VPS26A: variants seen among roughly 807,000 people sequenced by gnomAD.
VPS26A encodes the protein vacuolar protein sorting-associated protein 26A.
VPS26A carries 22 observed loss-of-function variants against 42.4 expected under a neutral mutation model. That is an observed-to-expected ratio of 0.52 (90% confidence interval 0.37 to 0.74). The LOEUF is 0.74. Among genes scored for constraint, VPS26A ranks in the 30% least tolerant of loss-of-function variants. The pLI is 0.00. For synonymous variants in VPS26A, 110 were observed against 123.5 expected (o/e 0.89, Z 0.73); for missense variants, 276 against 379.2 (o/e 0.73, Z 2.26).
At chr10:69,132,568 G>T (rs1281274099) in intron 1 of VPS26A, among the ~76,000 whole-genome samples, 5 of 151,588 alleles carry the variant, frequency 3.3e-5, no homozygotes, top group Non-Finnish European at 5.9e-5. Flanking sequence ...TCAGCCTCCC[G>T]AGTAGCTGGT....
At chr10:69,145,682 A>T (rs183057973) in intron 2 of VPS26A, among the ~76,000 whole-genome samples, 1 of 148,518 alleles carries the variant, frequency 6.7e-6, no homozygotes, top group African/African-American at 2.5e-5. Flanking sequence ...TCAGAATTTT[A>T]TTCTGTTCTG....
At position 69,133,026 on chromosome 10, in the gene VPS26A, C is replaced by T. The variant is rs749596365; in HGVS notation, c.132C>T (p.Asp44=). 2.5e-5 allele frequency: 40 copies of T among 1,604,510 alleles called. No homozygotes were observed. The highest frequency in any genetic ancestry group is 1.8e-4 in the East Asian group (8 of 44,682). ...TAGAAAAACACTATCTCTTCTATGACGGAGAATCCGTTTCAGGAAAGGTAA... is the reference window on the plus strand; with the variant it reads ...TAGAAAAACACTATCTCTTCTATGATGGAGAATCCGTTTCAGGAAAGGTAA... The part of the protein sequence containing the change: ...GKVEKHYLFY[D]GESVSGKVNL... The change falls in exon 2 of 9, where the codon GAC becomes GAT. Residue 44 remains aspartate (D), a synonymous_variant. Transcript: ENST00000263559.
intron 2 of VPS26A, among the ~76,000 whole-genome samples, chr10:69,139,920 A>T (rs1044775889): frequency 1.3e-5 from 2 of 152,116 alleles, no homozygotes; most frequent in African/African-American, 2.4e-5. Flanking sequence ...AATATCGTAT[A>T]GCCTGTTTTG....
At chr10:69,137,795 C>T (rs924813267) in intron 2 of VPS26A, among the ~76,000 whole-genome samples, 1 of 151,606 alleles carries the variant, frequency 6.6e-6, no homozygotes, top group Non-Finnish European at 1.5e-5. Context: ...CTGCCTACCA[C>T]ATTTGTATTG....
At chr10:69,147,345 C>A (rs1387335409) in intron 2 of VPS26A, among the ~76,000 whole-genome samples, 2 of 151,986 alleles carry the variant, frequency 1.3e-5, no homozygotes, top group Non-Finnish European at 1.5e-5. Flanking sequence ...AATATTTTCT[C>A]CCATTCTGAG....
Position 69,173,397 on chromosome 10 carries a change from G to A in VPS26A, c.*2128G>A, listed in dbSNP as rs189702260. Among the ~76,000 whole-genome samples the A allele has an allele frequency of 1.6e-3, 244 of 152,278 alleles. No homozygotes were observed. Among genetic ancestry groups the A allele is most frequent in the African/African-American group, 5.6e-3 (232 of 41,562 alleles). On this transcript the variant is annotated 3_prime_UTR_variant, in exon 9 of 9. Transcript: ENST00000263559. ...ATCTCAGCCACTTCAGGAGTCTGAG[G>A]CGGAAGGATCACCTGGAATTCGAGA...
intron 1 of VPS26A, 116 bp downstream of exon 1, chr10:69,124,396 A>C: frequency 4.4e-6 from 5 of 1,142,672 alleles, no homozygotes; most frequent in Non-Finnish European, 3.3e-6. Context: ...CAGGGCGGGG[A>C]GCGGGGTTAG....
In VPS26A at chr10:69,155,969, T is replaced by C. The variant is rs1841422363; in HGVS notation, c.229+82T>C. 7.8e-6 allele frequency: 8 copies of C among 1,030,588 alleles called. No homozygotes were observed. In the Admixed American group the frequency reaches 1.7e-4, roughly 22 times the overall value. 63.8% of individuals were successfully genotyped at this position (1,030,588 alleles called of 1,614,324 possible). ...TGGATTTTGCACCAAAATAATTGAA[T>C]TAGAGCTTAGCTTTGTAGAAGGAAG... On this transcript the variant is annotated intron_variant, in intron 3 of 8. Transcript: ENST00000263559.
intron 7 of VPS26A, among the ~76,000 whole-genome samples, chr10:69,166,712 T>G (rs1327630115): frequency 3.9e-5 from 6 of 152,238 alleles, no homozygotes; most frequent in Non-Finnish European, 8.8e-5. Flanking sequence ...ATGATGCATG[T>G]ATGTGTACTC....
chr10:69,167,024 A>G (rs1274221729), intron 7 of VPS26A, among the ~76,000 whole-genome samples: 1 of 151,216 alleles, frequency 6.6e-6, no homozygotes, highest in Non-Finnish European at 1.5e-5. Flanking sequence ...CTACTTGGGA[A>G]GCTGAGGCAG....
In VPS26A at chr10:69,124,202, G is replaced by T. The variant is rs1840590523; in HGVS notation, c.-76G>T. ...CGAGGTCACGTGACGGAGCGCCGGA[G>T]CGGAGGGAGCCGGGGCTGGGAGTTC... On this transcript the variant is annotated 5_prime_UTR_variant, in exon 1 of 9. Transcript: ENST00000263559. 1 of 1,263,030 alleles carries T rather than the reference G, an allele frequency of 7.9e-7. No individual in the cohort carries two copies. Among genetic ancestry groups the T allele is most frequent in the Non-Finnish European group, 1.0e-6 (1 of 997,644 alleles). The allele number at this position is 1,263,030 out of a possible 1,614,324, so 78.2% of individuals were successfully genotyped here.
At chr10:69,135,056 C>T (rs1840873494) in intron 2 of VPS26A, among the ~76,000 whole-genome samples, 1 of 152,020 alleles carries the variant, frequency 6.6e-6, no homozygotes, top group Non-Finnish European at 1.5e-5. Context: ...TGTTAATGGG[C>T]TGGGGGCATA....
At chr10:69,139,068 T>C (rs1840985000) in intron 2 of VPS26A, among the ~76,000 whole-genome samples, 1 of 152,206 alleles carries the variant, frequency 6.6e-6, no homozygotes, top group Admixed American at 6.5e-5. Context: ...TATAAATAAC[T>C]GTTCATATAG....
chr10:69,148,997 C>A (rs1336183119), intron 2 of VPS26A, among the ~76,000 whole-genome samples: 1 of 151,988 alleles, frequency 6.6e-6, no homozygotes, highest in Non-Finnish European at 1.5e-5. Context: ...ACCTCTTGAT[C>A]TGCCTGCCTC....
intron 2 of VPS26A, among the ~76,000 whole-genome samples, chr10:69,135,238 T>C (rs1161167827): frequency 1.3e-5 from 2 of 152,236 alleles, no homozygotes; most frequent in African/African-American, 2.4e-5. Context: ...GTGTTGATTA[T>C]ATAATAGGCT....
At chr10:69,127,093 A>ATTTTTTTTTTTTTTTTTTTTT (rs71035057) in intron 1 of VPS26A, among the ~76,000 whole-genome samples, 9 of 97,554 alleles carry the variant, frequency 9.2e-5, no homozygotes, top group African/African-American at 2.0e-4. Context: ...CACCCGGCCA[A>ATTTTTTTTTTTTTTTTTTTTT]TTTTTTTTTT....
intron 4 of VPS26A, among the ~76,000 whole-genome samples, 168 bp from the exon 5 acceptor site, chr10:69,157,879 G>A (rs984596414): frequency 6.6e-6 from 1 of 151,938 alleles, no homozygotes; most frequent in Admixed American, 6.6e-5. Flanking sequence ...TTTCATGTTG[G>A]GGGCATTAAA....
At chr10:69,159,161 A>C (rs181201760) in intron 5 of VPS26A, among the ~76,000 whole-genome samples, 11 of 152,258 alleles carry the variant, frequency 7.2e-5, no homozygotes, top group Non-Finnish European at 1.5e-5. Flanking sequence ...GAGTTTGATC[A>C]CCTGAGGTCA....
intron 2 of VPS26A, among the ~76,000 whole-genome samples, chr10:69,133,335 G>A (rs1397471788): frequency 3.3e-5 from 5 of 151,466 alleles, no homozygotes; most frequent in Non-Finnish European, 4.4e-5. Context: ...TTTTCTGTTT[G>A]TGATTATGTG....
Sources: gnomAD v4.1 joint callset for allele counts (sites outside exome capture counted in the v4.1 genomes callset) on GRCh38, gnomAD v4.1.1 for gene constraint, MANE v1.5 for transcripts, NCBI Gene and HGNC (gene_info 2026-07-23, HGNC 2026-07-21) for gene names.